Variants in MIR2052HG observed in about 807,000 individuals in gnomAD.
The protein encoded by MIR2052HG is MIR2052 host gene.
intron 2 of MIR2052HG, among the ~76,000 whole-genome samples, chr8:74,616,571 C>G (rs571424608): frequency 4.6e-5 from 7 of 151,572 alleles, no homozygotes; most frequent in Non-Finnish European, 8.8e-5. Flanking sequence ...TTGCAGTATT[C>G]TATTTTGCAT....
In MIR2052HG at chr8:74,663,030, A is replaced by G. The variant is rs540369247; in HGVS notation, n.217-39349A>G. Among the ~76,000 whole-genome samples, 10 of 152,312 alleles carry G rather than the reference A, an allele frequency of 6.6e-5. No homozygotes were observed. In the South Asian group the frequency reaches 2.1e-3, roughly 32 times the overall value. On this transcript the variant is annotated intron_variant and non_coding_transcript_variant, in intron 2 of 6. Transcript: ENST00000523442. ...AGATGATATAATAACACAAAATTGC[A>G]TCTTATTTTAATCTTGAATTAATAA...
At chr8:74,662,894 G>C (rs1808881186) in intron 2 of MIR2052HG, among the ~76,000 whole-genome samples, 1 of 143,786 alleles carries the variant, frequency 7.0e-6, no homozygotes, top group Non-Finnish European at 1.5e-5. Flanking sequence ...GTGTGTGTGT[G>C]GTATAATTTT....
At chr8:74,703,971 C>A (rs1301979302) in intron 4 of MIR2052HG, among the ~76,000 whole-genome samples, 2 of 151,802 alleles carry the variant, frequency 1.3e-5, no homozygotes, top group African/African-American at 2.4e-5. Context: ...CTATGGATTG[C>A]CTACTTTTGG....
At chr8:74,613,376 G>C (rs1374757807) in intron 2 of MIR2052HG, among the ~76,000 whole-genome samples, 2 of 152,170 alleles carry the variant, frequency 1.3e-5, no homozygotes, top group East Asian at 3.8e-4. Flanking sequence ...TGCAAAGAGA[G>C]AGTCCATGTG....
intron 2 of MIR2052HG, among the ~76,000 whole-genome samples, chr8:74,687,406 G>A (rs1056153660): frequency 1.2e-4 from 19 of 152,148 alleles, no homozygotes; most frequent in Admixed American, 4.6e-4. Flanking sequence ...GATGCTCATT[G>A]CAGCATTATT....
chr8:74,722,053 G>A (rs1809583015), intron 4 of MIR2052HG, among the ~76,000 whole-genome samples: 1 of 152,148 alleles, frequency 6.6e-6, no homozygotes, highest in Non-Finnish European at 1.5e-5. Flanking sequence ...AGCTGGACAT[G>A]TGGTCATGCA....
At chr8:74,730,546 T>C (rs1809680959) in intron 4 of MIR2052HG, among the ~76,000 whole-genome samples, 1 of 152,194 alleles carries the variant, frequency 6.6e-6, no homozygotes, top group South Asian at 2.1e-4. Flanking sequence ...TGTATACCTA[T>C]AAGCAGCAAG....
chr8:74,659,492 G>A (rs970535186), intron 2 of MIR2052HG, among the ~76,000 whole-genome samples: 1 of 152,060 alleles, frequency 6.6e-6, no homozygotes, highest in Non-Finnish European at 1.5e-5. Context: ...TGAAGCTGGA[G>A]GGCAATAATA....
At chr8:74,737,950 A>C (rs1055579983) in intron 4 of MIR2052HG, among the ~76,000 whole-genome samples, 4 of 152,212 alleles carry the variant, frequency 2.6e-5, no homozygotes, top group Non-Finnish European at 5.9e-5. Flanking sequence ...TAGTGAATAA[A>C]TGACCAAGTG....
At chr8:74,676,613 A>G (rs1809055737) in intron 2 of MIR2052HG, among the ~76,000 whole-genome samples, 1 of 152,002 alleles carries the variant, frequency 6.6e-6, no homozygotes, top group African/African-American at 2.4e-5. Flanking sequence ...AAGAGGGTGA[A>G]AAAATTCAGA....
At chr8:74,750,570 G>C (rs945983161) in intron 4 of MIR2052HG, among the ~76,000 whole-genome samples, 1 of 140,132 alleles carries the variant, frequency 7.1e-6, no homozygotes, top group Non-Finnish European at 1.6e-5. Context: ...TTTTGACAAG[G>C]AGTTGTGTTG....
chr8:74,693,352 A>G (rs953159307), intron 2 of MIR2052HG, among the ~76,000 whole-genome samples: 33 of 152,178 alleles, frequency 2.2e-4, no homozygotes, highest in Admixed American at 2.0e-3. Flanking sequence ...GTTTGGGGAA[A>G]GACCACAGGG....
intron 2 of MIR2052HG, among the ~76,000 whole-genome samples, chr8:74,700,665 T>G (rs1809348602): frequency 6.6e-6 from 1 of 152,132 alleles, no homozygotes; most frequent in African/African-American, 2.4e-5. Flanking sequence ...CACTTATAGA[T>G]CACTAGCCTT....
intron 4 of MIR2052HG, among the ~76,000 whole-genome samples, chr8:74,705,122 A>C (rs1037266863): frequency 1.3e-4 from 19 of 151,632 alleles, no homozygotes; most frequent in African/African-American, 3.9e-4. Flanking sequence ...TTTGCATCAG[A>C]GTTTGATTGA....
chr8:74,694,436 T>C (rs1809274977), intron 2 of MIR2052HG, among the ~76,000 whole-genome samples: 1 of 152,116 alleles, frequency 6.6e-6, no homozygotes, highest in African/African-American at 2.4e-5. Flanking sequence ...ATTCTGGTAA[T>C]ACGACGAAAC....
intron 1 of MIR2052HG, among the ~76,000 whole-genome samples, chr8:74,602,991 A>T (rs2128730256): frequency 6.6e-6 from 1 of 150,522 alleles, no homozygotes; most frequent in Non-Finnish European, 1.5e-5. Context: ...TTTCCATGAC[A>T]GACAGAAAAA....
chr8:74,690,599 C>G (rs1432772887), intron 2 of MIR2052HG, among the ~76,000 whole-genome samples: 2 of 151,634 alleles, frequency 1.3e-5, no homozygotes, highest in African/African-American at 4.9e-5. Context: ...AGATCCGAGC[C>G]GAGATCGCAC....
intron 4 of MIR2052HG, among the ~76,000 whole-genome samples, chr8:74,719,880 G>T (rs1418112850): frequency 9.7e-6 from 1 of 103,500 alleles, no homozygotes; most frequent in African/African-American, 3.9e-5. Context: ...AGGGAGTCTT[G>T]CTCTGTCGCC....
chr8:74,703,594 A>G lies in MIR2052HG; in HGVS notation n.295-12A>G, dbSNP rs144366645. On this transcript the variant is annotated splice_polypyrimidine_tract_variant and intron_variant and non_coding_transcript_variant, in intron 3 of 6. Coordinates refer to ENST00000523442, the Ensembl canonical transcript of MIR2052HG. ...ACTGTTATCTCAGCTATATTCTGCT[A>G]TTGTTTTTCAGGTTGCTTATTGAAT... 2.1e-4 allele frequency: 94 copies of G among 449,600 alleles called. 1 individual carries two copies. In the East Asian group the frequency reaches 5.8e-3, roughly 28 times the overall value. The allele number at this position is 449,600 out of a possible 1,614,324, so 27.9% of individuals were successfully genotyped here.
Sources: gnomAD v4.1 joint callset for allele counts (sites outside exome capture counted in the v4.1 genomes callset) on GRCh38, gnomAD v4.1.1 for gene constraint, MANE v1.5 for transcripts, NCBI Gene and HGNC (gene_info 2026-07-23, HGNC 2026-07-21) for gene names.